AFF3: variants seen among roughly 807,000 people sequenced by gnomAD.
The protein encoded by AFF3 is AF4/FMR2 family member 3.
In AFF3, 32 loss-of-function variants were observed where a neutral mutation model predicts 129.7. The ratio of observed to expected loss-of-function variants is 0.25; its 90% CI spans 0.19 to 0.33. The LOEUF (loss-of-function observed/expected upper bound fraction) is 0.33. Among genes scored for constraint, AFF3 ranks in the 10% least tolerant of loss-of-function variants. The pLI, the probability that AFF3 is intolerant of heterozygous loss-of-function variation, is 1.00. For synonymous variants in AFF3, 644 were observed against 635.4 expected, an observed-to-expected ratio of 1.01 and a Z score of -0.20; for missense variants, 1,373 against 1,592.0, an observed-to-expected ratio of 0.86 and a Z score of 2.34.
chr2:99,611,757 C>T (rs1419573145), intron 13 of AFF3, among the ~76,000 whole-genome samples: 5 of 151,972 alleles, frequency 3.3e-5, no homozygotes, highest in South Asian at 4.1e-4. Flanking sequence ...TGTGGTGGCG[C>T]GCGCCTGTAA....
intron 14 of AFF3, among the ~76,000 whole-genome samples, chr2:99,596,337 G>C (rs2105015537): frequency 6.6e-6 from 1 of 152,344 alleles, no homozygotes; most frequent in Admixed American, 6.5e-5. Flanking sequence ...ACACGGAACA[G>C]CTTCTCGGCC....
intron 7 of AFF3, among the ~76,000 whole-genome samples, chr2:99,874,250 C>G (rs1371623862): frequency 1.3e-5 from 2 of 152,156 alleles, no homozygotes; most frequent in East Asian, 3.9e-4. Context: ...CCCACTTCTG[C>G]AGACTTCAGA....
chr2:99,777,966 A>C (rs974093707), intron 8 of AFF3, among the ~76,000 whole-genome samples: 18 of 151,816 alleles, frequency 1.2e-4, no homozygotes, highest in East Asian at 9.7e-4. Flanking sequence ...AAAAAAAAAA[A>C]AAAAACAAAA....
chr2:99,669,689 G>C lies in AFF3; in HGVS notation c.1143+2849C>G, dbSNP rs968101276. ...ATTTTTATAAATCATATACAAACAG[G>C]CTGGGCACAGTTGCTCACACCTGTA... On this transcript the variant is annotated intron_variant, in intron 12 of 24. Transcript: ENST00000672756. Among the ~76,000 whole-genome samples the C allele has an allele frequency of 2.0e-5, 3 of 152,036 alleles. 1 individual carries two copies. In the East Asian group the frequency reaches 5.8e-4, roughly 29 times the overall value.
At position 99,565,616 on chromosome 2, in the gene AFF3, T is replaced by C. The variant is rs1316307633; in HGVS notation, c.2990A>G (p.Lys997Arg). The C allele has an allele frequency of 6.2e-7, 1 of 1,614,014 alleles. No homozygotes were observed. Among genetic ancestry groups the C allele is most frequent in the Admixed American group, 1.7e-5 (1 of 60,024 alleles). The change falls in exon 20 of 25, where the codon AAG (lysine) becomes AGG (arginine). Residue 997 changes from lysine (K) to arginine (R), a missense_variant. Physicochemically the swap from Lys to Arg is conservative, Grantham distance 26. This residue lies in a region of AFF3 where 65 missense variants were observed against 102.1 expected (regional missense o/e 0.64). Coordinates refer to ENST00000672756, the MANE Select transcript of AFF3 (RefSeq NM_001386135.1). ...AGCATAGTTCAAAGCCTTTCCAAAC[T>C]TTTCCACCTGATCAACAGAGTTAAT... ...MKHKADAMVE[K>R]FGKALNYAEA...
chr2:99,889,879 C>T (rs550786336), intron 7 of AFF3, among the ~76,000 whole-genome samples: 2 of 152,218 alleles, frequency 1.3e-5, no homozygotes, highest in South Asian at 2.1e-4. Context: ...AGGCTGGTCT[C>T]GAACTCCCGA....
At chr2:99,837,699 T>C (rs913017330) in intron 7 of AFF3, among the ~76,000 whole-genome samples, 175 bp from the exon 8 acceptor site, 7 of 152,030 alleles carry the variant, frequency 4.6e-5, no homozygotes, top group Non-Finnish European at 8.8e-5. Context: ...CCGGCTCCCA[T>C]TGTGGCTGCT....
Position 100,020,375 on chromosome 2 carries a change from A to C in AFF3, c.54-11443T>G, listed in dbSNP as rs534455928. Among the ~76,000 whole-genome samples the C allele has an allele frequency of 7.2e-5, 11 of 151,962 alleles. No homozygotes were observed. The South Asian group carries it at 2.1e-3, about 29-fold the overall frequency. On this transcript the variant is annotated intron_variant, in intron 4 of 24. Coordinates refer to ENST00000672756, the MANE Select transcript of AFF3 (RefSeq NM_001386135.1). ...CTTCTCAAGTGACAGTCTTTATGGG[A>C]GATGTCATTCATTCCTTGCTTTCAG...
At chr2:100,032,498 A>C (rs183531654) in intron 4 of AFF3, among the ~76,000 whole-genome samples, 1 of 152,182 alleles carries the variant, frequency 6.6e-6, no homozygotes, top group African/African-American at 2.4e-5. Context: ...TTGATCACTG[A>C]TCTAAGTTCT....
intron 13 of AFF3, among the ~76,000 whole-genome samples, chr2:99,620,068 C>T (rs1681840533): frequency 6.6e-6 from 1 of 152,114 alleles, no homozygotes; most frequent in Non-Finnish European, 1.5e-5. Flanking sequence ...AGGCCTGCTC[C>T]AGTAATGGGA....
chr2:99,687,268 A>G (rs1675154564), intron 11 of AFF3, among the ~76,000 whole-genome samples: 1 of 152,214 alleles, frequency 6.6e-6, no homozygotes, highest in Non-Finnish European at 1.5e-5. Context: ...TTTAATAGTA[A>G]ATAGCTAAAT....
At chr2:99,887,926 T>G (rs569649860) in intron 7 of AFF3, among the ~76,000 whole-genome samples, 146 of 152,120 alleles carry the variant, frequency 9.6e-4, no homozygotes, top group African/African-American at 3.4e-3. Flanking sequence ...GCCACCCAAC[T>G]CCAAACAGGC....
intron 4 of AFF3, among the ~76,000 whole-genome samples, chr2:100,101,095 T>G (rs910866496): frequency 3.3e-5 from 5 of 152,106 alleles, no homozygotes; most frequent in African/African-American, 1.2e-4. Flanking sequence ...GCTGAAAAAG[T>G]TGAAACAGCC....
chr2:99,980,925 T>C (rs1679342263), intron 7 of AFF3, among the ~76,000 whole-genome samples: 1 of 152,182 alleles, frequency 6.6e-6, no homozygotes, highest in Non-Finnish European at 1.5e-5. Context: ...ATTGGGATCA[T>C]CCTCTATATA....
chr2:99,870,118 T>C (rs1393053339), intron 7 of AFF3, among the ~76,000 whole-genome samples: 1 of 152,206 alleles, frequency 6.6e-6, no homozygotes, highest in African/African-American at 2.4e-5. Flanking sequence ...TGAACAGAGC[T>C]TGGCAGATTC....
In AFF3 at chr2:99,565,155, A is replaced by AT. The variant is rs765228337; in HGVS notation, c.3119+331dup. On this transcript the variant is annotated intron_variant, in intron 20 of 24. Transcript: ENST00000672756. ...TTTAGATGATACTAACCTGAACCAGATTTTTTTTTTTTTTTAAAGCAGCCT... is the reference window on the plus strand; with the variant it reads ...TTTAGATGATACTAACCTGAACCAGATTTTTTTTTTTTTTTTAAAGCAGCCT... Among the ~76,000 whole-genome samples the AT allele has an allele frequency of 3.6e-3, 529 of 145,096 alleles. 4 individuals are homozygous for AT. The highest frequency in any genetic ancestry group is 0.014 in the Middle Eastern group (4 of 282).
chr2:99,695,333 G>T (rs1350644459), intron 11 of AFF3, among the ~76,000 whole-genome samples: 1 of 152,144 alleles, frequency 6.6e-6, no homozygotes, highest in Non-Finnish European at 1.5e-5. Flanking sequence ...TCTTCACTGG[G>T]CGAGTCTCCC....
chr2:99,618,557 GC>G (rs1258239309), intron 13 of AFF3, among the ~76,000 whole-genome samples: 1 of 152,028 alleles, frequency 6.6e-6, no homozygotes, highest in African/African-American at 2.4e-5. Context: ...TTAACATAGT[GC>G]CTAGCACATA....
chr2:100,121,053 C>T (rs142614014), intron 2 of AFF3, among the ~76,000 whole-genome samples: 132 of 152,296 alleles, frequency 8.7e-4, no homozygotes, highest in Non-Finnish European at 1.6e-3. Flanking sequence ...ATATTTATTA[C>T]AAATGATAGG....
Sources: allele counts gnomAD v4.1 joint callset (sites outside exome capture counted in the v4.1 genomes callset), GRCh38; gene constraint gnomAD v4.1.1; regional missense constraint gnomAD v4.1.1; transcripts MANE v1.5; gene names NCBI Gene and HGNC (gene_info 2026-07-23, HGNC 2026-07-21).